Variants in TRAPPC9 observed in about 807,000 individuals in gnomAD.
TRAPPC9 encodes the protein trafficking protein particle complex subunit 9.
A neutral mutation model predicts 124.0 loss-of-function variants in TRAPPC9; 83 were observed. The ratio of observed to expected loss-of-function variants is 0.67; its 90% CI spans 0.56 to 0.80. The LOEUF is 0.80. Among genes scored for constraint, TRAPPC9 ranks in the 30% least tolerant of loss-of-function variants. TRAPPC9 has a pLI of 0.00. For synonymous variants in TRAPPC9, 638 were observed against 617.5 expected, an observed-to-expected ratio of 1.03 and a Z score of -0.49; for missense variants, 1,302 against 1,508.3, an observed-to-expected ratio of 0.86 and a Z score of 2.27.
At chr8:139,877,418 T>C (rs1483547006) in intron 21 of TRAPPC9, among the ~76,000 whole-genome samples, 1 of 152,132 alleles carries the variant, frequency 6.6e-6, no homozygotes, top group East Asian at 1.9e-4. Context: ...TCTTCCCACC[T>C]GGAGGATGGG....
At chr8:139,955,337 T>G (rs1834902930) in intron 19 of TRAPPC9, among the ~76,000 whole-genome samples, 1 of 151,582 alleles carries the variant, frequency 6.6e-6, no homozygotes, top group South Asian at 2.1e-4. Context: ...TCCGTGTGGG[T>G]TCTTTGCATG....
intron 7 of TRAPPC9, among the ~76,000 whole-genome samples, chr8:140,392,097 G>A (rs971806443): frequency 6.6e-6 from 1 of 152,078 alleles, no homozygotes; most frequent in Admixed American, 6.6e-5. Flanking sequence ...ACCTGATGTG[G>A]TACATAGAGC....
intron 9 of TRAPPC9, among the ~76,000 whole-genome samples, chr8:140,354,128 G>A (rs576803162): frequency 1.3e-5 from 2 of 152,342 alleles, no homozygotes; most frequent in East Asian, 3.9e-4. Context: ...GTGAGAGTGG[G>A]AAAAGATGAG....
At chr8:140,145,275 C>A (rs2061444430) in intron 17 of TRAPPC9, among the ~76,000 whole-genome samples, 2 of 151,936 alleles carry the variant, frequency 1.3e-5, no homozygotes, top group South Asian at 4.1e-4. Context: ...TTCTTCCATT[C>A]TAATTAATAT....
rs542799119 is a variant in TRAPPC9, at chr8:139,835,310, T to C, written c.3055+50569A>G. 8.5e-5 allele frequency among the ~76,000 whole-genome samples: 13 copies of C among 152,242 alleles called. 1 individual carries two copies. Among genetic ancestry groups the C allele is most frequent in the Non-Finnish European group, 1.9e-4 (13 of 68,038 alleles). The stretch of plus-strand genomic sequence containing the variant: ...TTTTACATACTGCGTTGTGCACACA[T>C]TGCCTTTGATTAATAAATTTCTGAA... On this transcript the variant is annotated intron_variant, in intron 21 of 22. Coordinates refer to ENST00000438773, the MANE Select transcript of TRAPPC9 (RefSeq NM_001160372.4).
chr8:139,928,670 C>A (rs1832947068), intron 19 of TRAPPC9, among the ~76,000 whole-genome samples: 1 of 151,136 alleles, frequency 6.6e-6, no homozygotes, highest in Non-Finnish European at 1.5e-5. Flanking sequence ...CTGTCCCAGC[C>A]CTGGAGGTGA....
At chr8:140,336,381 G>A (rs145475621) in intron 9 of TRAPPC9, among the ~76,000 whole-genome samples, 342 of 152,260 alleles carry the variant, frequency 2.2e-3, no homozygotes, top group Admixed American at 4.9e-3. Flanking sequence ...TCTGCTCTGC[G>A]GCAAATGAGA....
intron 11 of TRAPPC9, among the ~76,000 whole-genome samples, chr8:140,297,663 C>T (rs2065848318): frequency 6.6e-6 from 1 of 152,260 alleles, no homozygotes; most frequent in African/African-American, 2.4e-5. Flanking sequence ...CTCCAGAGGG[C>T]TTCCCCAGGG....
chr8:140,431,392 G>T (rs1165206863), intron 4 of TRAPPC9, among the ~76,000 whole-genome samples: 1 of 151,944 alleles, frequency 6.6e-6, no homozygotes, highest in Non-Finnish European at 1.5e-5. Context: ...AGGAGACAGA[G>T]GTTGCAGTGA....
At chr8:140,206,409 G>T (rs1269788519) in intron 17 of TRAPPC9, among the ~76,000 whole-genome samples, 1 of 152,010 alleles carries the variant, frequency 6.6e-6, no homozygotes, top group Admixed American at 6.6e-5. Context: ...TATTTATACA[G>T]CAATAATTTT....
intron 21 of TRAPPC9, among the ~76,000 whole-genome samples, chr8:139,782,258 T>C (rs2130533140): frequency 6.6e-6 from 1 of 152,196 alleles, no homozygotes; most frequent in African/African-American, 2.4e-5. Context: ...CATGCACCTG[T>C]AGTCCCAGCT....
At chr8:140,049,008 G>A (rs965557542) in intron 17 of TRAPPC9, among the ~76,000 whole-genome samples, 3 of 152,128 alleles carry the variant, frequency 2.0e-5, no homozygotes, top group South Asian at 2.1e-4. Context: ...GAAGGAAGGC[G>A]GGCCTGCAGG....
At chr8:139,878,957 G>A (rs993231315) in intron 21 of TRAPPC9, among the ~76,000 whole-genome samples, 2 of 152,228 alleles carry the variant, frequency 1.3e-5, no homozygotes, top group African/African-American at 4.8e-5. Context: ...TCAAAACTAT[G>A]TACAAATTCA....
chr8:140,138,125 AC>A (rs2061332937), intron 17 of TRAPPC9, among the ~76,000 whole-genome samples: 1 of 152,112 alleles, frequency 6.6e-6, no homozygotes, highest in African/African-American at 2.4e-5. Flanking sequence ...ACATGGTGAA[AC>A]CCCATCTCTG....
At chr8:139,794,123 C>T (rs1329931641) in intron 21 of TRAPPC9, among the ~76,000 whole-genome samples, 4 of 152,018 alleles carry the variant, frequency 2.6e-5, no homozygotes, top group Admixed American at 6.5e-5. Context: ...CTCTGAGCGT[C>T]GCTGGGCAGA....
At chr8:139,874,852 G>A (rs1235791523) in intron 21 of TRAPPC9, among the ~76,000 whole-genome samples, 3 of 152,294 alleles carry the variant, frequency 2.0e-5, no homozygotes, top group African/African-American at 7.2e-5. Flanking sequence ...CCTGAGCGCC[G>A]TGGGAAAGAC....
intron 21 of TRAPPC9, among the ~76,000 whole-genome samples, chr8:139,809,022 T>C (rs1295935377): frequency 6.6e-6 from 1 of 152,264 alleles, no homozygotes; most frequent in Non-Finnish European, 1.5e-5. Context: ...TTGTGTTCTC[T>C]GACTTGCATC....
intron 21 of TRAPPC9, among the ~76,000 whole-genome samples, chr8:139,859,170 C>T (rs1268949602): frequency 6.6e-6 from 1 of 151,844 alleles, no homozygotes; most frequent in Non-Finnish European, 1.5e-5. Context: ...CAGGAGGAGT[C>T]ACCGCTGTGC....
At chr8:140,356,796 G>T (rs2067764713) in intron 9 of TRAPPC9, among the ~76,000 whole-genome samples, 1 of 150,206 alleles carries the variant, frequency 6.7e-6, no homozygotes, top group South Asian at 2.1e-4. Context: ...TTTTAGTAGA[G>T]ATGGGGTTTC....
Sources: allele counts gnomAD v4.1 joint callset (sites outside exome capture counted in the v4.1 genomes callset), GRCh38; gene constraint gnomAD v4.1.1; transcripts MANE v1.5; gene names NCBI Gene and HGNC (gene_info 2026-07-23, HGNC 2026-07-21).